EDAR: variants seen among roughly 807,000 people sequenced by gnomAD.
EDAR encodes tumor necrosis factor receptor superfamily member EDAR.
Under a neutral mutation model 51.3 loss-of-function variants are expected in EDAR, and 38 were observed. The ratio of observed to expected loss-of-function variants is 0.74; its 90% CI spans 0.57 to 0.97. The LOEUF (loss-of-function observed/expected upper bound fraction) is 0.97, where lower values mean the gene tolerates loss of function less well. EDAR is among the 50% of genes least tolerant of loss of function. The pLI, the probability that EDAR is intolerant of heterozygous loss-of-function variation, is 0.00. For synonymous variants in EDAR, 227 were observed against 242.1 expected, an observed-to-expected ratio of 0.94 and a Z score of 0.58; for missense variants, 528 against 595.0, an observed-to-expected ratio of 0.89 and a Z score of 1.17.
intron 1 of EDAR, among the ~76,000 whole-genome samples, chr2:108,983,772 C>G (rs1698454020): frequency 6.6e-6 from 1 of 152,232 alleles, no homozygotes; most frequent in Non-Finnish European, 1.5e-5. Flanking sequence ...CATATGGAGT[C>G]AACAGGAACA....
chr2:108,907,197 A>T (rs1468828496), intron 10 of EDAR, among the ~76,000 whole-genome samples: 1 of 152,254 alleles, frequency 6.6e-6, no homozygotes, highest in East Asian at 1.9e-4. Context: ...TGCATAGAAG[A>T]AAAACGTTGT....
chr2:108,898,443 TCTC>T (rs1180247263), intron 11 of EDAR, among the ~76,000 whole-genome samples: 6 of 151,914 alleles, frequency 3.9e-5, no homozygotes, highest in Non-Finnish European at 8.8e-5. Context: ...GCACCCTCAT[TCTC>T]CTGCCACAGA....
intron 1 of EDAR, among the ~76,000 whole-genome samples, chr2:108,967,289 CACAGGGAAAA>C (rs1320600538): frequency 1.3e-5 from 2 of 152,086 alleles, no homozygotes. Context: ...GTTCATATTT[CACAGGGAAAA>C]ACAGGAAAAA....
At chr2:108,916,313 C>T (rs997596724) in intron 5 of EDAR, among the ~76,000 whole-genome samples, 6 of 152,152 alleles carry the variant, frequency 3.9e-5, no homozygotes, top group Non-Finnish European at 5.9e-5. Context: ...CCCTTCCTGT[C>T]GGGGCTCGCA....
chr2:108,942,497 G>T (rs1304619831), intron 1 of EDAR, among the ~76,000 whole-genome samples: 1 of 152,214 alleles, frequency 6.6e-6, no homozygotes, highest in Non-Finnish European at 1.5e-5. Flanking sequence ...TCCCGGGGAG[G>T]CCAGGTGAAC....
intron 1 of EDAR, among the ~76,000 whole-genome samples, chr2:108,967,784 A>T (rs367954116): frequency 6.6e-6 from 1 of 152,168 alleles, no homozygotes; most frequent in Admixed American, 6.5e-5. Flanking sequence ...TGAGAGCTTC[A>T]TATGTGGATA....
intron 1 of EDAR, among the ~76,000 whole-genome samples, chr2:108,958,830 G>A (rs1035795134): frequency 5.3e-5 from 8 of 152,232 alleles, no homozygotes; most frequent in Non-Finnish European, 7.3e-5. Flanking sequence ...GGAAGTGTCA[G>A]CCAGAGATAG....
At chr2:108,963,835 A>G (rs1211387549) in intron 1 of EDAR, among the ~76,000 whole-genome samples, 3 of 152,228 alleles carry the variant, frequency 2.0e-5, no homozygotes, top group African/African-American at 7.2e-5. Context: ...TAAGGCAGAA[A>G]GAGGAAAGTG....
At chr2:108,927,721 G>A (rs1697284386) in intron 4 of EDAR, among the ~76,000 whole-genome samples, 1 of 152,086 alleles carries the variant, frequency 6.6e-6, no homozygotes, top group African/African-American at 2.4e-5. Context: ...GGAGGTTCAG[G>A]CCATCTCTGG....
Position 108,950,003 on chromosome 2 carries a change from G to A in EDAR, c.-18-18971C>T, listed in dbSNP as rs7562895. 4.5e-3 allele frequency among the ~76,000 whole-genome samples: 678 copies of A among 152,314 alleles called. 6 individuals are homozygous for A. The highest frequency in any genetic ancestry group is 0.015 in the African/African-American group (634 of 41,568). On this transcript the variant is annotated intron_variant, in intron 1 of 11. Coordinates refer to ENST00000258443, the MANE Select transcript of EDAR (RefSeq NM_022336.4). ...TGTGGAGATTGGGTGCAGCAAACTG[G>A]ACAAATCAATTGTCAGATGGTTTAT...
chr2:108,932,608 C>G (rs1250313318), intron 1 of EDAR, among the ~76,000 whole-genome samples: 1 of 150,906 alleles, frequency 6.6e-6, no homozygotes, highest in Non-Finnish European at 1.5e-5. Context: ...AAGTCAGCAG[C>G]CAGGGAACGG....
At chr2:108,955,448 T>A (rs1697901361) in intron 1 of EDAR, among the ~76,000 whole-genome samples, 1 of 152,212 alleles carries the variant, frequency 6.6e-6, no homozygotes, top group African/African-American at 2.4e-5. Flanking sequence ...GACATATATA[T>A]CTTCTAAAAT....
At chr2:108,970,643 C>A (rs1190035550) in intron 1 of EDAR, among the ~76,000 whole-genome samples, 1 of 152,042 alleles carries the variant, frequency 6.6e-6, no homozygotes, top group Non-Finnish European at 1.5e-5. Flanking sequence ...TACTTCACTT[C>A]CTTCCTGCTC....
At chr2:108,911,153 G>A in intron 6 of EDAR, 81 bp from the exon 7 acceptor site, 1 of 1,556,272 alleles carries the variant, frequency 6.4e-7, no homozygotes. Context: ...GCCCCTGGAA[G>A]CAATGGCCCT....
chr2:108,984,074 G>T (rs1275354218), intron 1 of EDAR, among the ~76,000 whole-genome samples: 2 of 152,170 alleles, frequency 1.3e-5, no homozygotes, highest in Non-Finnish European at 2.9e-5. Context: ...TTTTGGAAGT[G>T]TAATCATGTG....
intron 1 of EDAR, among the ~76,000 whole-genome samples, chr2:108,976,981 G>A (rs1299259857): frequency 6.6e-6 from 1 of 152,116 alleles, no homozygotes; most frequent in Non-Finnish European, 1.5e-5. Flanking sequence ...AGTGAGGACT[G>A]ACAAATGCTA....
At chr2:108,903,358 C>T (rs985704482) in intron 11 of EDAR, among the ~76,000 whole-genome samples, 1 of 151,734 alleles carries the variant, frequency 6.6e-6, no homozygotes, top group Non-Finnish European at 1.5e-5. Context: ...AAAATCCCAG[C>T]AAGGCATTTT....
chr2:108,923,300 C>T, intron 5 of EDAR, 68 bp downstream of exon 5: 6 of 1,480,078 alleles, frequency 4.1e-6, no homozygotes, highest in Non-Finnish European at 5.7e-6. Flanking sequence ...CTCTTTCCTA[C>T]ACCCTCTGTA....
chr2:108,977,135 G>A (rs144877035), intron 1 of EDAR, among the ~76,000 whole-genome samples: 103 of 152,264 alleles, frequency 6.8e-4, no homozygotes, highest in African/African-American at 2.3e-3. Flanking sequence ...CCACTGGCCC[G>A]GGCCTGGGTT....
Sources: allele counts gnomAD v4.1 joint callset (sites outside exome capture counted in the v4.1 genomes callset), GRCh38; gene constraint gnomAD v4.1.1; transcripts MANE v1.5; gene names NCBI Gene and HGNC (gene_info 2026-07-23, HGNC 2026-07-21).